Variants in MAML2 observed in about 807,000 individuals in gnomAD.
MAML2 encodes the protein mastermind like transcriptional coactivator 2.
A neutral mutation model predicts 96.1 loss-of-function variants in MAML2; 22 were observed. That is an observed-to-expected ratio of 0.23 (90% CI 0.16 to 0.33). MAML2 has a LOEUF of 0.33. Among genes scored for constraint, MAML2 ranks in the 10% least tolerant of loss-of-function variants. The pLI, the probability that MAML2 is intolerant of heterozygous loss-of-function variation, is 1.00. For missense variants in MAML2, 1,367 were observed against 1,392.4 expected, an observed-to-expected ratio of 0.98 and a Z score of 0.29; for synonymous variants, 561 against 521.3, an observed-to-expected ratio of 1.08 and a Z score of -1.04.
rs139202865 is a variant in MAML2 at position 96,073,963 on chromosome 11, C to T, written c.2139+17929G>A. Among the ~76,000 whole-genome samples, 424 of 152,248 alleles carry T rather than the reference C, an allele frequency of 2.8e-3. 2 individuals carry two copies. The highest frequency in any genetic ancestry group is 9.7e-3 in the African/African-American group (404 of 41,536). On this transcript the variant is annotated intron_variant, in intron 2 of 4. Coordinates refer to ENST00000524717, the MANE Select transcript of MAML2 (RefSeq NM_032427.4). ...AGATTCATGCAAGGGATTTACCAAA[C>T]CGTTAAATTTATTCACTTTTCAAGG...
intron 1 of MAML2, among the ~76,000 whole-genome samples, chr11:96,328,524 G>A (rs1032033441): frequency 1.3e-5 from 2 of 151,990 alleles, no homozygotes; most frequent in African/African-American, 4.8e-5. Context: ...AGCCTAAGAT[G>A]TGATCCACAG....
Position 96,342,032 on chromosome 11 carries a change from TGGGGGA to T in MAML2, c.-143_-138del, listed in dbSNP as rs1864003841. 1 of 790,600 alleles carries T rather than the reference TGGGGGA, an allele frequency of 1.3e-6. No individual in the cohort carries two copies. Among genetic ancestry groups the T allele is most frequent in the African/African-American group, 1.8e-5 (1 of 56,010 alleles). 49.0% of individuals were successfully genotyped at this position (790,600 alleles called of 1,614,324 possible). A position where few individuals can be genotyped will look rare whatever the true frequency, so the allele number is the denominator to read the frequency against. ...CATGAATAGAGGTCTTCAGAGGTTG[TGGGGGA>T]GCCGTGGAGAAGTTGTGGGGGAGGG... On this transcript the variant is annotated 5_prime_UTR_variant, in exon 1 of 5. Coordinates refer to ENST00000524717, the MANE Select transcript of MAML2 (RefSeq NM_032427.4).
rs114042617 is a variant in MAML2 at position 96,250,058 on chromosome 11, G to A, written c.513+91325C>T. Among the ~76,000 whole-genome samples the A allele has an allele frequency of 9.1e-3, 1,377 of 152,110 alleles. 20 individuals are homozygous for A. Among genetic ancestry groups the A allele is most frequent in the African/African-American group, 0.031 (1,292 of 41,452 alleles). Reference sequence around the variant, plus strand: ...TGCTATTCCCTCTACCTGAGAACTCGTTATCCAGACAGTTTCACGGCTCGC... The same window carrying A: ...TGCTATTCCCTCTACCTGAGAACTCATTATCCAGACAGTTTCACGGCTCGC... On this transcript the variant is annotated intron_variant, in intron 1 of 4. Coordinates refer to ENST00000524717, the MANE Select transcript of MAML2 (RefSeq NM_032427.4).
At chr11:96,022,280 TC>T (rs1266699495) in intron 2 of MAML2, among the ~76,000 whole-genome samples, 8 of 152,202 alleles carry the variant, frequency 5.3e-5, no homozygotes, top group Non-Finnish European at 1.2e-4. Context: ...CCTGAATCTT[TC>T]CTGAGACCCC....
At chr11:96,070,246 C>T (rs9645610) in intron 2 of MAML2, among the ~76,000 whole-genome samples, 109,932 of 151,734 alleles carry the variant, frequency 0.72, 40,859 homozygotes, top group Non-Finnish European at 0.83. Context: ...GCTGAGATGG[C>T]GCCACTGCAC....
At chr11:95,986,608 T>A (rs903560366) in intron 3 of MAML2, among the ~76,000 whole-genome samples, 1 of 152,184 alleles carries the variant, frequency 6.6e-6, no homozygotes, top group Non-Finnish European at 1.5e-5. Flanking sequence ...TTTTTTACCT[T>A]CGCATAAACA....
At chr11:96,060,935 A>G (rs1218388433) in intron 2 of MAML2, among the ~76,000 whole-genome samples, 6 of 152,204 alleles carry the variant, frequency 3.9e-5, no homozygotes, top group African/African-American at 1.4e-4. Flanking sequence ...CTTCCATGTC[A>G]TAGAAAGAGA....
chr11:96,043,551 T>C (rs1312731883), intron 2 of MAML2, among the ~76,000 whole-genome samples: 1 of 152,112 alleles, frequency 6.6e-6, no homozygotes, highest in Non-Finnish European at 1.5e-5. Context: ...TGCACACAGA[T>C]GGTAAAGTAA....
chr11:95,989,264 T>C (rs773482387), intron 3 of MAML2, among the ~76,000 whole-genome samples: 13 of 152,132 alleles, frequency 8.5e-5, no homozygotes, highest in Non-Finnish European at 1.5e-4. Context: ...CACTTCTTCC[T>C]GGATATGCTA....
intron 2 of MAML2, among the ~76,000 whole-genome samples, chr11:96,088,880 G>C (rs186234187): frequency 6.6e-6 from 1 of 152,210 alleles, no homozygotes; most frequent in Admixed American, 6.5e-5. Context: ...TCAGAGTTCC[G>C]ACAGGTAAAG....
intron 2 of MAML2, among the ~76,000 whole-genome samples, chr11:96,034,432 T>TGTGTGTGTGTGAGAGAGAGA (rs549312275): frequency 7.4e-6 from 1 of 135,744 alleles, no homozygotes; most frequent in African/African-American, 2.9e-5. Flanking sequence ...TGTGTGTGTG[T>TGTGTGTGTGTGAGAGAGAGA]GAGAGAGAGA....
intron 1 of MAML2, among the ~76,000 whole-genome samples, chr11:96,160,369 G>A (rs1257373764): frequency 6.6e-6 from 1 of 152,008 alleles, no homozygotes; most frequent in Non-Finnish European, 1.5e-5. Flanking sequence ...ACCCAACTGT[G>A]ATACTTACAA....
chr11:96,222,935 T>C (rs78307791), intron 1 of MAML2, among the ~76,000 whole-genome samples: 2,369 of 152,282 alleles, frequency 0.016, 35 homozygotes, highest in Middle Eastern at 0.024. Context: ...TAGTTATACT[T>C]TGAATTTTGC....
intron 2 of MAML2, among the ~76,000 whole-genome samples, chr11:96,086,390 A>G (rs1033299725): frequency 2.0e-5 from 3 of 152,192 alleles, no homozygotes; most frequent in Non-Finnish European, 2.9e-5. Flanking sequence ...AATTTTCTTT[A>G]TTATGTAAAA....
intron 1 of MAML2, among the ~76,000 whole-genome samples, chr11:96,290,558 A>G (rs1014045290): frequency 6.6e-6 from 1 of 152,248 alleles, no homozygotes; most frequent in Non-Finnish European, 1.5e-5. Flanking sequence ...CCACATTGCC[A>G]GAACCACATT....
chr11:95,984,763 G>A (rs573166165), intron 4 of MAML2, among the ~76,000 whole-genome samples: 4 of 152,152 alleles, frequency 2.6e-5, no homozygotes, highest in African/African-American at 9.7e-5. Flanking sequence ...GACAGATGAA[G>A]GTAACAGGTA....
At chr11:96,135,859 T>C (rs1299353796) in intron 1 of MAML2, among the ~76,000 whole-genome samples, 2 of 60,036 alleles carry the variant, frequency 3.3e-5, no homozygotes, top group African/African-American at 1.3e-4. Flanking sequence ...TGAGACACCA[T>C]CTCAAAAAAA....
intron 1 of MAML2, among the ~76,000 whole-genome samples, chr11:96,206,752 A>G (rs919056988): frequency 2.0e-5 from 3 of 152,198 alleles, no homozygotes; most frequent in Non-Finnish European, 4.4e-5. Flanking sequence ...CAACTATGTG[A>G]GAAAATAAAA....
intron 1 of MAML2, among the ~76,000 whole-genome samples, chr11:96,179,800 T>C (rs1591057991): frequency 1.3e-5 from 2 of 152,348 alleles, no homozygotes; most frequent in East Asian, 3.9e-4. Flanking sequence ...TGTGTTTCCC[T>C]TGATGCTCCA....
Sources: allele counts gnomAD v4.1 joint callset (sites outside exome capture counted in the v4.1 genomes callset), GRCh38; gene constraint gnomAD v4.1.1; transcripts MANE v1.5; gene names NCBI Gene and HGNC (gene_info 2026-07-23, HGNC 2026-07-21).